The following NGF variants were observed in gnomAD, a reference collection of about 807,000 sequenced individuals.
NGF encodes the protein nerve growth factor, also known as beta-nerve growth factor.
In NGF, 4 loss-of-function variants were observed where a neutral mutation model predicts 12.8. The observed-to-expected ratio is 0.31, with a 90% CI of 0.15 to 0.72. NGF has a LOEUF of 0.72. NGF is among the 30% of genes least tolerant of loss of function. The pLI is 0.69. For missense variants in NGF, 283 were observed against 330.8 expected, an observed-to-expected ratio of 0.86 and a Z score of 1.12; for synonymous variants, 140 against 130.0, an observed-to-expected ratio of 1.08 and a Z score of -0.52.
chr1:115,324,666 A>G (rs1195988555), intron 1 of NGF, among the ~76,000 whole-genome samples: 1 of 152,194 alleles, frequency 6.6e-6, no homozygotes, highest in Non-Finnish European at 1.5e-5. Flanking sequence ...CTGTGGGTGC[A>G]TATATGCTTG....
chr1:115,314,736 G>A (rs1654428325), intron 1 of NGF, among the ~76,000 whole-genome samples: 1 of 152,118 alleles, frequency 6.6e-6, no homozygotes, highest in Admixed American at 6.6e-5. Flanking sequence ...ATGCACCAAA[G>A]CACTATTCTA....
intron 1 of NGF, among the ~76,000 whole-genome samples, chr1:115,326,048 G>A (rs954844788): frequency 3.9e-5 from 6 of 152,088 alleles, no homozygotes; most frequent in Admixed American, 6.6e-5. Flanking sequence ...ATGAACATCC[G>A]GAAGTCGTAG....
intron 2 of NGF, among the ~76,000 whole-genome samples, 156 bp downstream of exon 2, chr1:115,293,471 G>A (rs552901229): frequency 2.0e-5 from 3 of 152,306 alleles, no homozygotes; most frequent in South Asian, 2.1e-4. Context: ...TGGGCTAGGG[G>A]AGCTGCATTT....
rs1571069537 is a variant in NGF at position 115,286,328 on chromosome 1, C to T, written c.468G>A (p.Glu156=). The T allele has an allele frequency of 6.2e-7, 1 of 1,614,210 alleles. No individual in the cohort carries two copies. The highest frequency in any genetic ancestry group is 8.5e-7 in the Non-Finnish European group (1 of 1,180,030). Residue 156 remains glutamate, a synonymous_variant, in exon 3 of 3, where the codon GAG becomes GAA. Coordinates refer to ENST00000369512, the MANE Select transcript of NGF (RefSeq NM_002506.3). The part of the protein sequence containing the change: ...KTTATDIKGK[E]VMVLGEVNIN... ...TGTTCACCTCTCCCAACACCATCAC[C>T]TCCTTGCCCTTGATGTCTGTGGCGG... is the stretch of plus-strand genomic sequence containing the variant.
chr1:115,322,828 A>G (rs1263026673), intron 1 of NGF, among the ~76,000 whole-genome samples: 1 of 152,144 alleles, frequency 6.6e-6, no homozygotes, highest in African/African-American at 2.4e-5. Context: ...CATTCCTTGC[A>G]TGGGACTCCA....
At chr1:115,337,261 G>GTTTTTTTTTTTTTTTTTTT (rs368973980) in intron 1 of NGF, among the ~76,000 whole-genome samples, 3 of 11,758 alleles carry the variant, frequency 2.6e-4, no homozygotes, top group Non-Finnish European at 3.8e-4. Flanking sequence ...TTTTTGTTTT[G>GTTTTTTTTTTTTTTTTTTT]TTTTTGTTTT....
intron 1 of NGF, among the ~76,000 whole-genome samples, chr1:115,326,070 T>C (rs762559103): frequency 6.6e-6 from 1 of 152,024 alleles, no homozygotes. Flanking sequence ...TCGTAGCTCA[T>C]GCCTGGGGAG....
intron 1 of NGF, among the ~76,000 whole-genome samples, chr1:115,306,240 C>A (rs886132196): frequency 6.6e-6 from 1 of 152,126 alleles, no homozygotes; most frequent in African/African-American, 2.4e-5. Context: ...AAACATTGAG[C>A]AGAAATGCAA....
chr1:115,288,477 C>T (rs1653587842), intron 2 of NGF, among the ~76,000 whole-genome samples: 1 of 152,114 alleles, frequency 6.6e-6, no homozygotes, highest in South Asian at 2.1e-4. Flanking sequence ...TGGTCAAGGA[C>T]TTTGTCTTTT....
At chr1:115,312,450 T>A (rs1012402626) in intron 1 of NGF, among the ~76,000 whole-genome samples, 10 of 152,030 alleles carry the variant, frequency 6.6e-5, no homozygotes, top group African/African-American at 2.4e-4. Context: ...ATAGCAGAAG[T>A]GACACGACAA....
At chr1:115,290,426 C>T (rs563766666) in intron 2 of NGF, among the ~76,000 whole-genome samples, 164 of 125,844 alleles carry the variant, frequency 1.3e-3, no homozygotes, top group Admixed American at 2.0e-3. Context: ...GATGGAGTCT[C>T]GCTCTGTCAC....
intron 1 of NGF, among the ~76,000 whole-genome samples, chr1:115,333,814 CTT>C (rs1557949503): frequency 4.2e-4 from 51 of 122,396 alleles, no homozygotes; most frequent in Middle Eastern, 4.1e-3. Context: ...TTCTCTTTTT[CTT>C]TCTTTCTCTC....
intron 1 of NGF, among the ~76,000 whole-genome samples, chr1:115,317,219 C>T (rs1654497428): frequency 6.6e-6 from 1 of 152,070 alleles, no homozygotes; most frequent in Non-Finnish European, 1.5e-5. Flanking sequence ...GTTTGCAGGG[C>T]AGCTCGAGTG....
intron 1 of NGF, among the ~76,000 whole-genome samples, chr1:115,319,083 G>T (rs898442330): frequency 6.6e-6 from 1 of 152,204 alleles, no homozygotes; most frequent in African/African-American, 2.4e-5. Context: ...TCTGACTAAA[G>T]GTCAGCATAG....
chr1:115,334,242 G>A (rs775212496), intron 1 of NGF, among the ~76,000 whole-genome samples: 2 of 152,080 alleles, frequency 1.3e-5, no homozygotes, highest in African/African-American at 2.4e-5. Context: ...TATTAAGTGC[G>A]GTCAGTGTTG....
intron 1 of NGF, among the ~76,000 whole-genome samples, chr1:115,298,501 C>A (rs946446163): frequency 2.0e-5 from 3 of 152,022 alleles, no homozygotes; most frequent in Non-Finnish European, 4.4e-5. Flanking sequence ...CCCTCAACAA[C>A]ATGTCCTTAA....
At chr1:115,337,256 G>GTTTTTTTTTTTTTTTTTTT (rs1364127314) in intron 1 of NGF, among the ~76,000 whole-genome samples, 1 of 27,200 alleles carries the variant, frequency 3.7e-5, no homozygotes, top group African/African-American at 1.7e-4. Flanking sequence ...AATTTTTTTT[G>GTTTTTTTTTTTTTTTTTTT]TTTTGTTTTT....
chr1:115,314,167 C>T (rs2101042727), intron 1 of NGF, among the ~76,000 whole-genome samples: 1 of 152,286 alleles, frequency 6.6e-6, no homozygotes, highest in African/African-American at 2.4e-5. Context: ...GTCTGACTTG[C>T]TGTAGTTTGT....
At chr1:115,321,340 G>A (rs1654617835) in intron 1 of NGF, among the ~76,000 whole-genome samples, 1 of 152,146 alleles carries the variant, frequency 6.6e-6, no homozygotes, top group Non-Finnish European at 1.5e-5. Context: ...ACTGAGCCCT[G>A]GGCTGGGTGG....
Sources: allele counts gnomAD v4.1 joint callset (sites outside exome capture counted in the v4.1 genomes callset), GRCh38; gene constraint gnomAD v4.1.1; transcripts MANE v1.5; gene names NCBI Gene and HGNC (gene_info 2026-07-23, HGNC 2026-07-21).